Variants in LARGE1 observed in about 807,000 individuals in gnomAD.
LARGE1 encodes xylosyl- and glucuronyltransferase LARGE1.
A neutral mutation model predicts 87.6 loss-of-function variants in LARGE1; 43 were observed. The observed-to-expected ratio is 0.49, with a 90% confidence interval of 0.38 to 0.63. The LOEUF is 0.63. LARGE1 is among the 30% of genes least tolerant of loss of function. The pLI is 0.00. For missense variants in LARGE1, 802 were observed against 1,000.2 expected, an observed-to-expected ratio of 0.80 and a Z score of 2.67; for synonymous variants, 434 against 394.6, an observed-to-expected ratio of 1.10 and a Z score of -1.18.
At chr22:33,283,422 G>T in intron 12 of LARGE1, 74 bp from the exon 13 acceptor site, 1 of 1,534,484 alleles carries the variant, frequency 6.5e-7, no homozygotes, top group Non-Finnish European at 9.0e-7. Flanking sequence ...ATGAGGGCGG[G>T]GTGGTCATTG....
At chr22:33,241,224 C>T (rs189872825) in intron 11 of LARGE1, among the ~76,000 whole-genome samples, 1 of 152,108 alleles carries the variant, frequency 6.6e-6, no homozygotes, top group Non-Finnish European at 1.5e-5. Flanking sequence ...TGCTCTCTCT[C>T]TCTCTCACAT....
intron 1 of LARGE1, among the ~76,000 whole-genome samples, chr22:33,863,112 G>C (rs1050129095): frequency 6.6e-6 from 1 of 152,134 alleles, no homozygotes; most frequent in Non-Finnish European, 1.5e-5. Context: ...ACACAGCACC[G>C]TGGCACACAG....
intron 1 of LARGE1, among the ~76,000 whole-genome samples, chr22:33,915,699 C>T (rs1390454597): frequency 6.6e-6 from 1 of 152,264 alleles, no homozygotes; most frequent in Non-Finnish European, 1.5e-5. Flanking sequence ...GATTTTATCT[C>T]GCAACCATTC....
Position 33,273,296 on chromosome 22 carries a change from C to T in LARGE1, c.*1131G>A, listed in dbSNP as rs1928504425. 2 of 398,042 alleles carry T rather than the reference C, an allele frequency of 5.0e-6. No individual in the cohort carries two copies. The highest frequency in any genetic ancestry group is 2.1e-5 in the African/African-American group (1 of 48,626). The allele number at this position is 398,042 out of a possible 1,614,324, so 24.7% of individuals were successfully genotyped here. Reference sequence around the variant, plus strand: ...TGGTTGCCTACCCTTGGACAGGTCCCAAAGGGAGACTGAGGTTGTCACCTC... The same window carrying T: ...TGGTTGCCTACCCTTGGACAGGTCCTAAAGGGAGACTGAGGTTGTCACCTC... On this transcript the variant is annotated 3_prime_UTR_variant, in exon 15 of 15. Transcript: ENST00000397394.
chr22:33,721,410 G>T (rs912394311), intron 2 of LARGE1, among the ~76,000 whole-genome samples: 2 of 152,150 alleles, frequency 1.3e-5, no homozygotes, highest in Non-Finnish European at 2.9e-5. Flanking sequence ...GTTTCTTATG[G>T]GTGCCATGCT....
chr22:33,116,947 A>C, the LARGE1 span, among the ~76,000 whole-genome samples: 1 of 152,190 alleles, frequency 6.6e-6, no homozygotes, highest in Non-Finnish European at 1.5e-5. Flanking sequence ...AAAGGTCACA[A>C]CTAATCTTTG....
intron 1 of LARGE1, among the ~76,000 whole-genome samples, chr22:33,770,462 G>A (rs1038408084): frequency 1.3e-5 from 2 of 152,218 alleles, no homozygotes; most frequent in Non-Finnish European, 2.9e-5. Flanking sequence ...GGGAAGAATT[G>A]CTTGAGGCCA....
At position 33,415,757 on chromosome 22, in the gene LARGE1, G is replaced by T. The variant is rs141500918; in HGVS notation, c.892+16404C>A. Among the ~76,000 whole-genome samples, 69 of 152,316 alleles carry T rather than the reference G, an allele frequency of 4.5e-4. No individual in the cohort carries two copies. The East Asian group carries it at 0.013, about 29-fold the overall frequency. On this transcript the variant is annotated intron_variant, in intron 7 of 14. Transcript: ENST00000397394. Reference sequence around the variant, plus strand: ...TATGTTTCAACAGGCTGCAGCCACAGCCCTGAGAGATGAACACTTGGCTCA... The same window carrying T: ...TATGTTTCAACAGGCTGCAGCCACATCCCTGAGAGATGAACACTTGGCTCA...
At chr22:33,228,432 G>T (rs1447949809) in intron 11 of LARGE1, among the ~76,000 whole-genome samples, 1 of 152,238 alleles carries the variant, frequency 6.6e-6, no homozygotes, top group Non-Finnish European at 1.5e-5. Flanking sequence ...TCAGAGTGGT[G>T]CTATGGAAGC....
chr22:33,847,685 C>G (rs2063474412), intron 1 of LARGE1, among the ~76,000 whole-genome samples: 2 of 152,230 alleles, frequency 1.3e-5, no homozygotes. Context: ...AGATGTACTA[C>G]ACGATAGACT....
At position 33,191,836 on chromosome 22, in the gene LARGE1, C is replaced by T. The variant is rs16991951; in HGVS notation, c.1731-25004G>A. Among the ~76,000 whole-genome samples, 1,221 of 152,250 alleles carry T rather than the reference C, an allele frequency of 8.0e-3. 56 individuals carry two copies. In the South Asian group the frequency reaches 0.12, roughly 15 times the overall value. ...AAAATTTAAAATTGAACAGAACCAA[C>T]CATGGAAACATATTTCTTATGATGT... On this transcript the variant is annotated intron_variant, in intron 11 of 11. Transcript: ENST00000608642.
chr22:33,312,673 A>G (rs190173642), intron 11 of LARGE1, among the ~76,000 whole-genome samples: 98 of 152,286 alleles, frequency 6.4e-4, no homozygotes, highest in African/African-American at 2.3e-3. Context: ...TGCAACAGAG[A>G]GCCAGTGATG....
intron 12 of LARGE1, among the ~76,000 whole-genome samples, chr22:33,303,744 C>T (rs1934473560): frequency 6.6e-6 from 1 of 152,080 alleles, no homozygotes; most frequent in Non-Finnish European, 1.5e-5. Context: ...GCCTCAGCTT[C>T]CCAAGTAGCT....
chr22:33,094,089 C>G, the LARGE1 span, among the ~76,000 whole-genome samples: 1 of 151,978 alleles, frequency 6.6e-6, no homozygotes, highest in South Asian at 2.1e-4. Context: ...TATTTTAGTT[C>G]AAAGTACTCA....
At chr22:33,075,511 A>T in the LARGE1 span, among the ~76,000 whole-genome samples, 1 of 152,228 alleles carries the variant, frequency 6.6e-6, no homozygotes, top group Non-Finnish European at 1.5e-5. Flanking sequence ...CCAGTGAGGA[A>T]TCCTAAGTAA....
intron 2 of LARGE1, among the ~76,000 whole-genome samples, chr22:33,706,834 A>T (rs922284612): frequency 6.6e-6 from 1 of 152,182 alleles, no homozygotes; most frequent in Non-Finnish European, 1.5e-5. Flanking sequence ...GACATCTCAG[A>T]TCCTGAAACC....
At chr22:33,182,541 A>T (rs1462230369) in intron 11 of LARGE1, among the ~76,000 whole-genome samples, 1 of 152,206 alleles carries the variant, frequency 6.6e-6, no homozygotes, top group Middle Eastern at 3.2e-3. Context: ...GAGAAAGAAG[A>T]ACAAAGCTGG....
chr22:33,675,443 A>C (rs2081549982), intron 2 of LARGE1, among the ~76,000 whole-genome samples: 1 of 152,124 alleles, frequency 6.6e-6, no homozygotes, highest in Non-Finnish European at 1.5e-5. Context: ...GAAGTAGGGC[A>C]TAGACTGTGG....
chr22:33,218,896 T>C (rs952835005), intron 11 of LARGE1, among the ~76,000 whole-genome samples: 2 of 152,210 alleles, frequency 1.3e-5, no homozygotes, highest in African/African-American at 2.4e-5. Context: ...AGGCAGGACC[T>C]GTGACTAGTT....
Sources: gnomAD v4.1 joint callset for allele counts (sites outside exome capture counted in the v4.1 genomes callset) on GRCh38, gnomAD v4.1.1 for gene constraint, MANE v1.5 for transcripts, NCBI Gene and HGNC (gene_info 2026-07-23, HGNC 2026-07-21) for gene names.